SLC9A3: variants seen among roughly 807,000 people sequenced by gnomAD.
The protein encoded by SLC9A3 is solute carrier family 9 member A3.
A neutral mutation model predicts 86.8 loss-of-function variants in SLC9A3; 37 were observed. That is an observed-to-expected ratio of 0.43 (90% CI 0.33 to 0.56). SLC9A3 has a LOEUF of 0.56. SLC9A3 is among the 20% of genes least tolerant of loss of function. The pLI is 0.06. For synonymous variants in SLC9A3, 581 were observed against 528.3 expected (o/e 1.10, Z -1.37); for missense variants, 1,011 against 1,171.9 (o/e 0.86, Z 2.00).
At position 485,246 on chromosome 5, in the gene SLC9A3, G is replaced by A. The variant is rs2303735; in HGVS notation, c.676-15C>T. On this transcript the variant is annotated splice_polypyrimidine_tract_variant and intron_variant, in intron 3 of 16. Coordinates refer to ENST00000264938, the MANE Select transcript of SLC9A3 (RefSeq NM_004174.4). ...TTGTACAGAACCTGCAGGGAAAACG[G>A]GCAGGGCGTTGGGTGGTCCTTGGTT... 1.1e-5 allele frequency: 18 copies of A among 1,599,972 alleles called. No individual in the cohort carries two copies. The highest frequency in any genetic ancestry group is 1.5e-5 in the Non-Finnish European group (18 of 1,177,514).
At position 476,597 on chromosome 5, in the gene SLC9A3, C is replaced by T. The variant is rs1283366422; in HGVS notation, c.1836G>A (p.Glu612=). ...EQRRRSIRDA[E]DMVTHHTLQQ... ...GTAGCGTGTGGTGCGTGACCATGTC[C>T]TCCGCGTCCCGGATGCTCCGCCGTC... is the stretch of plus-strand genomic sequence containing the variant. The change falls in exon 12 of 17, where the codon GAG becomes GAA. Residue 612 remains glutamate (E), a synonymous_variant. Coordinates refer to ENST00000264938, the MANE Select transcript of SLC9A3 (RefSeq NM_004174.4). The T allele has an allele frequency of 1.9e-6, 3 of 1,611,028 alleles. No individual in the cohort carries two copies. The highest frequency in any genetic ancestry group is 2.2e-5 in the South Asian group (2 of 91,084).
In SLC9A3 at chr5:482,769, G is replaced by T. The variant is rs375691765; in HGVS notation, c.1154-19C>A. The T allele has an allele frequency of 1.3e-5, 20 of 1,574,200 alleles. No individual in the cohort carries two copies. In the African/African-American group the frequency reaches 2.7e-4, roughly 21 times the overall value. The stretch of plus-strand genomic sequence containing the variant: ...ACCACACCTGCGGATGATGGGGCGG[G>T]CACTCAGCTCCCCGGCCGCCCTCCC... On this transcript the variant is annotated intron_variant, in intron 6 of 16. Coordinates refer to ENST00000264938, the MANE Select transcript of SLC9A3 (RefSeq NM_004174.4).
At position 473,338 on chromosome 5, in the gene SLC9A3, G is replaced by A. The variant is rs1738506703; in HGVS notation, c.*41C>T. 15 of 1,413,046 alleles carry A rather than the reference G, an allele frequency of 1.1e-5. No individual in the cohort carries two copies. In the East Asian group the frequency reaches 3.1e-4, roughly 29 times the overall value. The allele number at this position is 1,413,046 out of a possible 1,614,324, so 87.5% of individuals were successfully genotyped here. A position where few individuals can be genotyped will look rare whatever the true frequency, so the allele number is the denominator to read the frequency against. On this transcript the variant is annotated 3_prime_UTR_variant, in exon 17 of 17. Transcript: ENST00000264938. The stretch of plus-strand genomic sequence containing the variant: ...GCGGCGGCGGTGGGCGGACCGTGGC[G>A]CGGGGACGAGCGGCCGGTTAGCGGC...
At chr5:476,816 A>G (rs993579122) in intron 11 of SLC9A3, 144 bp from the exon 12 acceptor site, 4 of 1,003,236 alleles carry the variant, frequency 4.0e-6, no homozygotes, top group Non-Finnish European at 4.4e-6. Context: ...CGGCTGGGGC[A>G]CGGGGACATC....
At chr5:504,282 C>T (rs1207285239) in intron 1 of SLC9A3, among the ~76,000 whole-genome samples, 2 of 152,166 alleles carry the variant, frequency 1.3e-5, no homozygotes, top group Admixed American at 6.5e-5. Context: ...CGTGTTCTTG[C>T]AGCCCCCGCG....
At chr5:492,662 G>GT (rs1205761462) in intron 1 of SLC9A3, among the ~76,000 whole-genome samples, 3 of 151,732 alleles carry the variant, frequency 2.0e-5, no homozygotes, top group Non-Finnish European at 4.4e-5. Flanking sequence ...CGGTGGTCGG[G>GT]GGGGGGCCTC....
At chr5:501,191 G>C (rs1740262375) in intron 1 of SLC9A3, among the ~76,000 whole-genome samples, 1 of 152,156 alleles carries the variant, frequency 6.6e-6, no homozygotes, top group Non-Finnish European at 1.5e-5. Context: ...CGCCGGAAAG[G>C]GCTTCTCTCT....
chr5:522,651 G>A (rs963106765), intron 1 of SLC9A3, among the ~76,000 whole-genome samples: 2 of 151,698 alleles, frequency 1.3e-5, no homozygotes, highest in African/African-American at 2.4e-5. Flanking sequence ...CCAGCTACTC[G>A]GGAGGCTGAG....
chr5:516,957 T>A (rs908683623), intron 1 of SLC9A3, among the ~76,000 whole-genome samples: 3 of 152,184 alleles, frequency 2.0e-5, no homozygotes, highest in Non-Finnish European at 4.4e-5. Flanking sequence ...TGGTTTTGGA[T>A]GAAGCTTACA....
intron 1 of SLC9A3, among the ~76,000 whole-genome samples, chr5:519,331 C>T (rs567604359): frequency 1.3e-5 from 2 of 152,186 alleles, no homozygotes; most frequent in Non-Finnish European, 1.5e-5. Context: ...TCAAGGAGAA[C>T]CTAAGGGCAG....
chr5:481,502 G>C lies in SLC9A3; in HGVS notation c.1517+63C>G, dbSNP rs545947379. 7.6e-5 allele frequency: 103 copies of C among 1,364,238 alleles called. 1 individual carries two copies. The highest frequency in any genetic ancestry group is 1.8e-4 in the Middle Eastern group (1 of 5,616). The allele number at this position is 1,364,238 out of a possible 1,614,324, so 84.5% of individuals were successfully genotyped here. On this transcript the variant is annotated intron_variant, in intron 9 of 16. Coordinates refer to ENST00000264938, the MANE Select transcript of SLC9A3 (RefSeq NM_004174.4). Reference sequence around the variant, plus strand: ...TATGCATGTGGCTTCTGGTTCTTCCGAGTGGAGGATGTTTCCAGAAGCCGG... The same window carrying C: ...TATGCATGTGGCTTCTGGTTCTTCCCAGTGGAGGATGTTTCCAGAAGCCGG...
intron 11 of SLC9A3, chr5:477,112 G>A (rs1017205206): frequency 3.1e-5 from 16 of 523,770 alleles, no homozygotes; most frequent in African/African-American, 2.1e-4. Context: ...CCCCCAGTCC[G>A]CTGCTGCCCC....
intron 10 of SLC9A3, 167 bp downstream of exon 10, chr5:479,669 T>C (rs751155305): frequency 1.8e-4 from 115 of 637,578 alleles, no homozygotes; most frequent in Non-Finnish European, 2.7e-4. Flanking sequence ...CGAGAGCCCC[T>C]GGGATTCCCA....
intron 1 of SLC9A3, among the ~76,000 whole-genome samples, chr5:503,190 G>T (rs1254626561): frequency 1.3e-5 from 2 of 152,210 alleles, no homozygotes; most frequent in African/African-American, 4.8e-5. Flanking sequence ...CAGATCAGAA[G>T]AAATCATCCC....
In SLC9A3 at chr5:493,622, G is replaced by A. The variant is rs570127969; in HGVS notation, c.212-1551C>T. On this transcript the variant is annotated intron_variant, in intron 1 of 16. Transcript: ENST00000264938. ...AGGGAGGGTGGCAGGCACAAGCTCC[G>A]CACCTGCCCGGCCACCAGCACTGCA... Among the ~76,000 whole-genome samples, 4 of 152,238 alleles carry A rather than the reference G, an allele frequency of 2.6e-5. No individual in the cohort carries two copies. The South Asian group carries it at 6.2e-4, about 24-fold the overall frequency.
intron 1 of SLC9A3, among the ~76,000 whole-genome samples, chr5:516,080 A>G (rs1215427622): frequency 7.7e-6 from 1 of 129,470 alleles, no homozygotes; most frequent in Non-Finnish European, 1.6e-5. Context: ...TCTCCCCCTA[A>G]CCCTCATCCA....
At chr5:505,596 T>G (rs1270690924) in intron 1 of SLC9A3, among the ~76,000 whole-genome samples, 2 of 2,322 alleles carry the variant, frequency 8.6e-4, no homozygotes, top group Non-Finnish European at 1.5e-3. Flanking sequence ...GGGTGGGGAG[T>G]GACCATGGAA....
At position 524,170 on chromosome 5, in the gene SLC9A3, G is replaced by A. The variant is rs756665719; in HGVS notation, c.153C>T (p.His51=). ...GCGCGATGACGTAGGGATCCTGCAC[G>A]TGGGCCCACTCGAAGGTGACCACCT... is the stretch of plus-strand genomic sequence containing the variant. ...GFQVVTFEWA[H]VQDPYVIALW... is the part of the protein sequence containing the mutation. The change falls in exon 1 of 17, where the codon CAC becomes CAT. Residue 51 remains histidine, a synonymous_variant. Coordinates refer to ENST00000264938, the MANE Select transcript of SLC9A3 (RefSeq NM_004174.4). 1.3e-6 allele frequency: 2 copies of A among 1,548,082 alleles called. No individual in the cohort carries two copies. Among genetic ancestry groups the A allele is most frequent in the Admixed American group, 1.9e-5 (1 of 51,882 alleles).
In SLC9A3 at chr5:494,896, C is replaced by T. The variant is rs554335402; in HGVS notation, c.212-2825G>A. ...GATGCACGTTCTTTGCCTCTGCCCA[C>T]GTCCCAGGCTGGCTCCTGGAGGGGT... is the stretch of plus-strand genomic sequence containing the variant. On this transcript the variant is annotated intron_variant, in intron 1 of 16. Transcript: ENST00000264938. Among the ~76,000 whole-genome samples the T allele has an allele frequency of 3.3e-5, 5 of 152,346 alleles. No homozygotes were observed. The South Asian group carries it at 8.3e-4, about 25-fold the overall frequency.
Sources: allele counts gnomAD v4.1 joint callset (sites outside exome capture counted in the v4.1 genomes callset), GRCh38; gene constraint gnomAD v4.1.1; transcripts MANE v1.5; gene names NCBI Gene and HGNC (gene_info 2026-07-23, HGNC 2026-07-21).